SPATA7: variants seen among roughly 807,000 people sequenced by gnomAD.
SPATA7 encodes the protein spermatogenesis-associated protein 7.
In SPATA7, 43 loss-of-function variants were observed where a neutral mutation model predicts 51.8. The ratio of observed to expected loss-of-function variants is 0.83; its 90% confidence interval spans 0.65 to 1.07. The LOEUF is 1.07. Among genes scored for constraint, SPATA7 ranks in the 50% least tolerant of loss-of-function variants. The probability of loss-of-function intolerance (pLI) is 0.00; values close to 1 mark genes in which losing one functional copy is unlikely to be tolerated. For synonymous variants in SPATA7, 230 were observed against 252.8 expected (o/e 0.91, Z 0.86); for missense variants, 683 against 701.3 (o/e 0.97, Z 0.30).
downstream of SPATA7, among the ~76,000 whole-genome samples, chr14:88,458,471 G>T (rs994379226): frequency 1.3e-5 from 2 of 152,116 alleles, no homozygotes; most frequent in African/African-American, 4.8e-5. Context: ...ATGTGTCGAG[G>T]AATTTATCCA....
At position 88,385,833 on chromosome 14, in the gene SPATA7, G is replaced by C; in HGVS notation, c.15G>C (p.Arg5=). The change falls in exon 1 of 12, where the codon CGG becomes CGC. Residue 5 remains arginine, a synonymous_variant. Transcript: ENST00000393545. Reference sequence around the variant, plus strand: ...GAGGACTAAGCATGGATGGCAGCCGGAGAGGTAAAGGGCAGCTGTCAGGGG... The same window carrying C: ...GAGGACTAAGCATGGATGGCAGCCGCAGAGGTAAAGGGCAGCTGTCAGGGG... MDGS[R]RVRATSVLPR... 1 of 1,604,116 alleles carries C rather than the reference G, an allele frequency of 6.2e-7. No individual in the cohort carries two copies.
intron 3 of SPATA7, among the ~76,000 whole-genome samples, chr14:88,453,346 ATG>A (rs945070733): frequency 2.6e-5 from 4 of 152,230 alleles, no homozygotes; most frequent in African/African-American, 9.7e-5. Context: ...CTACATGAAA[ATG>A]TGTTTGCTCA....
At chr14:88,448,463 C>G (rs1434487860) in intron 3 of SPATA7, among the ~76,000 whole-genome samples, 2 of 152,212 alleles carry the variant, frequency 1.3e-5, no homozygotes, top group Non-Finnish European at 1.5e-5. Flanking sequence ...ATTTGATCGT[C>G]TGAAGCCTTC....
chr14:88,410,951 A>C (rs989923171), intron 4 of SPATA7, among the ~76,000 whole-genome samples: 1 of 152,182 alleles, frequency 6.6e-6, no homozygotes, highest in Non-Finnish European at 1.5e-5. Context: ...AGGCAGGAAC[A>C]TTTAAGTCTG....
intron 1 of SPATA7, among the ~76,000 whole-genome samples, chr14:88,388,738 C>A (rs73319856): frequency 0.035 from 5,356 of 152,064 alleles, 311 homozygotes; most frequent in African/African-American, 0.12. Flanking sequence ...GTATATAAAA[C>A]AAATTAATGA....
chr14:88,468,921 T>C (rs2077408952), intron 4 of SPATA7: 3 of 1,613,978 alleles, frequency 1.9e-6, no homozygotes. Flanking sequence ...ATCACCTCAT[T>C]GTGTTCCAGG....
At chr14:88,447,121 G>A (rs1291663029) in intron 3 of SPATA7, among the ~76,000 whole-genome samples, 10 of 150,136 alleles carry the variant, frequency 6.7e-5, no homozygotes, top group Non-Finnish European at 1.3e-4. Flanking sequence ...GGGAGTCTAA[G>A]TCTCTTTGTA....
chr14:88,397,549 G>A (rs1457185491), intron 4 of SPATA7, among the ~76,000 whole-genome samples: 1 of 151,188 alleles, frequency 6.6e-6, no homozygotes, highest in East Asian at 2.0e-4. Context: ...AGGCTAAGGT[G>A]GGAAGATTAC....
intron 4 of SPATA7, chr14:88,468,319 A>T (rs1267864847): frequency 6.7e-7 from 1 of 1,488,546 alleles, no homozygotes; most frequent in Non-Finnish European, 9.1e-7. Context: ...GGAGACAGAA[A>T]GGATGGGAGG....
intron 3 of SPATA7, among the ~76,000 whole-genome samples, chr14:88,448,775 G>A (rs539169778): frequency 6.8e-4 from 104 of 152,230 alleles, no homozygotes; most frequent in African/African-American, 2.3e-3. Context: ...CTGCTTGGGG[G>A]TGCCTCCCAG....
rs182877792 is a variant in SPATA7, at chr14:88,421,690, G to A, written c.373-4542G>A. On this transcript the variant is annotated intron_variant, in intron 5 of 11. Coordinates refer to ENST00000393545, the MANE Select transcript of SPATA7 (RefSeq NM_018418.5). Reference sequence around the variant, plus strand: ...TCTCGGCCGGGCGTGGTGGCTCATGGCTGTAATCCCAGCACTTTGGGAGGC... The same window carrying A: ...TCTCGGCCGGGCGTGGTGGCTCATGACTGTAATCCCAGCACTTTGGGAGGC... Among the ~76,000 whole-genome samples the A allele has an allele frequency of 1.1e-4, 16 of 152,042 alleles. 1 individual carries two copies. The highest frequency in any genetic ancestry group is 3.9e-4 in the African/African-American group (16 of 41,514).
rs778268557 is a variant in SPATA7 at position 88,469,948 on chromosome 14, T to C, written c.*81T>C. 5 of 1,614,018 alleles carry C rather than the reference T, an allele frequency of 3.1e-6. No homozygotes were observed. The highest frequency in any genetic ancestry group is 3.3e-5 in the Admixed American group (2 of 60,002). ...TCTTCTGCTGTCACCATTGCTATAA[T>C]TGCAATTCCCTGTTCCCATACCATC... On this transcript the variant is annotated 3_prime_UTR_variant, in exon 5 of 5. Coordinates refer to the SPATA7 transcript ENST00000556406. The surrounding 1 kb of genome is among the most constrained non-coding windows in gnomAD (Gnocchi z 4.3).
rs1394800484 is a variant in SPATA7 at position 88,469,470 on chromosome 14, G to A, written c.255-377G>A. ...CTGTTTAACACCTCCAGAGGCAGCT[G>A]TCCTCGGAACAAAGTTAAAGTCACT... On this transcript the variant is annotated intron_variant, in intron 4 of 4. Transcript: ENST00000556406. This position sits in a 1 kb window ranked among gnomAD's most constrained non-coding sequence, Gnocchi z 4.3. 3.2e-6 allele frequency: 5 copies of A among 1,549,482 alleles called. No homozygotes were observed. The highest frequency in any genetic ancestry group is 4.5e-6 in the Non-Finnish European group (5 of 1,121,762).
intron 4 of SPATA7, among the ~76,000 whole-genome samples, chr14:88,412,795 TTTTAA>T (rs1407111043): frequency 6.6e-6 from 1 of 152,214 alleles, no homozygotes; most frequent in East Asian, 1.9e-4. Context: ...TGCACAAGCT[TTTTAA>T]TTTAATTAGG....
chr14:88,397,291 A>G (rs953608091), intron 4 of SPATA7, among the ~76,000 whole-genome samples: 1 of 152,092 alleles, frequency 6.6e-6, no homozygotes. Flanking sequence ...GCTTTTTCCT[A>G]TTTGTTTAAT....
chr14:88,420,548 GTTTTAT>G (rs1381600376), intron 5 of SPATA7, among the ~76,000 whole-genome samples: 2 of 152,018 alleles, frequency 1.3e-5, no homozygotes, highest in Non-Finnish European at 2.9e-5. Context: ...CAGTAAGTTT[GTTTTAT>G]TTTTATGTGT....
Position 88,426,568 on chromosome 14 carries a change from C to G in SPATA7, c.709C>G (p.Gln237Glu), listed in dbSNP as rs1379608471. 1.2e-6 allele frequency: 2 copies of G among 1,614,052 alleles called. No homozygotes were observed. The highest frequency in any genetic ancestry group is 1.7e-6 in the Non-Finnish European group (2 of 1,180,026). Reference protein sequence around the residue: ...DKHSELFSNKQLPFTPRTLKT... With the variant: ...DKHSELFSNKELPFTPRTLKT... ...ACATTCTGAACTCTTTTCTAACAAA[C>G]AATTGCCATTCACTCCTCGCACTTT... The change falls in exon 6 of 12, where the codon CAA becomes GAA. Residue 237 changes from glutamine (Q) to glutamate (E), a missense_variant. Transcript: ENST00000393545.
At chr14:88,395,984 T>C (rs902904653) in intron 3 of SPATA7, among the ~76,000 whole-genome samples, 172 bp from the exon 4 acceptor site, 3 of 152,196 alleles carry the variant, frequency 2.0e-5, no homozygotes, top group Non-Finnish European at 4.4e-5. Context: ...TCTGCAGTAT[T>C]GAATGAGTTA....
intron 7 of SPATA7, 81 bp downstream of exon 7, chr14:88,427,777 A>C (rs1309321076): frequency 2.0e-6 from 2 of 1,005,118 alleles, no homozygotes; most frequent in Admixed American, 3.6e-5. Flanking sequence ...ACAGCTATTT[A>C]GACTGTGAAG....
Sources: allele counts gnomAD v4.1 joint callset (sites outside exome capture counted in the v4.1 genomes callset), GRCh38; gene constraint gnomAD v4.1.1; non-coding constraint Gnocchi (gnomAD v3.1); transcripts MANE v1.5; gene names NCBI Gene and HGNC (gene_info 2026-07-23, HGNC 2026-07-21).